The following KCNIP1 variants were observed in gnomAD, a reference collection of about 807,000 sequenced individuals.
KCNIP1 encodes the protein A-type potassium channel modulatory protein KCNIP1.
Under a neutral mutation model 33.0 loss-of-function variants are expected in KCNIP1, and 18 were observed. That is an observed-to-expected ratio of 0.55 (90% confidence interval 0.38 to 0.81). KCNIP1 has a LOEUF of 0.81. KCNIP1 is among the 30% of genes least tolerant of loss of function. The pLI is 0.00. For synonymous variants in KCNIP1, 93 were observed against 98.3 expected (o/e 0.95, Z 0.32); for missense variants, 238 against 271.6 (o/e 0.88, Z 0.87).
intron 1 of KCNIP1, among the ~76,000 whole-genome samples, chr5:170,361,665 T>A (rs1390092908): frequency 6.6e-6 from 1 of 152,210 alleles, no homozygotes; most frequent in Admixed American, 6.5e-5. Flanking sequence ...CTCACAGTTC[T>A]GGAAGCTGGA....
At chr5:170,496,984 C>A (rs142693303) in intron 1 of KCNIP1, among the ~76,000 whole-genome samples, 1 of 152,004 alleles carries the variant, frequency 6.6e-6, no homozygotes. Flanking sequence ...GTGCCTTTGA[C>A]CCTCAGCAGC....
Position 170,378,943 on chromosome 5 carries a change from A to C in KCNIP1, c.88+24979A>C, listed in dbSNP as rs140971787. ...TCCACGTCGGCCCGGGCCGTCTGGTAATTGTCCACGCTGCCTGGGATGTAG... is the reference window on the plus strand; with the variant it reads ...TCCACGTCGGCCCGGGCCGTCTGGTCATTGTCCACGCTGCCTGGGATGTAG... On this transcript the variant is annotated intron_variant, in intron 1 of 7. Transcript: ENST00000377360. The C allele has an allele frequency of 8.9e-5, 143 of 1,614,104 alleles. 1 individual carries two copies. Among genetic ancestry groups the C allele is most frequent in the Non-Finnish European group, 1.2e-4 (136 of 1,179,956 alleles).
intron 1 of KCNIP1, among the ~76,000 whole-genome samples, chr5:170,412,052 C>G (rs1390777764): frequency 2.0e-5 from 3 of 152,158 alleles, no homozygotes; most frequent in Non-Finnish European, 4.4e-5. Flanking sequence ...AGTGACGGTG[C>G]ATGCTGGCTG....
At chr5:170,507,150 C>T (rs1754752918) in intron 1 of KCNIP1, among the ~76,000 whole-genome samples, 1 of 152,184 alleles carries the variant, frequency 6.6e-6, no homozygotes, top group South Asian at 2.1e-4. Flanking sequence ...ATCTCAGAGA[C>T]GTGAGGCTCA....
chr5:170,378,462 A>T, intron 1 of KCNIP1: 1 of 529,068 alleles, frequency 1.9e-6, no homozygotes, highest in African/African-American at 1.9e-5. Flanking sequence ...GGTAATAGAG[A>T]GCTAGAACTG....
intron 1 of KCNIP1, among the ~76,000 whole-genome samples, chr5:170,374,067 C>T (rs1763921596): frequency 6.6e-6 from 1 of 152,348 alleles, no homozygotes; most frequent in Middle Eastern, 3.4e-3. Context: ...GATATTCTCA[C>T]ATAACAGCCT....
At position 170,504,066 on chromosome 5, in the gene KCNIP1, C is replaced by T; in HGVS notation, c.-507C>T. ...CAGCAGGCAGCAGGCAGCAGGCGGGCGCGCTGTGGCTCCGCGCCGCGCGGT... is the reference window on the plus strand; with the variant it reads ...CAGCAGGCAGCAGGCAGCAGGCGGGTGCGCTGTGGCTCCGCGCCGCGCGGT... On this transcript the variant is annotated 5_prime_UTR_variant, in exon 1 of 8. Coordinates refer to ENST00000328939, the MANE Select transcript of KCNIP1 (RefSeq NM_014592.4). The surrounding 1 kb of genome is among the most constrained non-coding windows in gnomAD (Gnocchi z 6.0). 1.0e-6 allele frequency: 1 copy of T among 984,602 alleles called. No individual in the cohort carries two copies. Among genetic ancestry groups the T allele is most frequent in the Non-Finnish European group, 1.2e-6 (1 of 829,964 alleles). 61.0% of individuals were successfully genotyped at this position (984,602 alleles called of 1,614,324 possible).
chr5:170,717,426 T>C (rs1021662642), intron 1 of KCNIP1, among the ~76,000 whole-genome samples: 1 of 152,216 alleles, frequency 6.6e-6, no homozygotes, highest in Non-Finnish European at 1.5e-5. Context: ...CAGTATCTAA[T>C]TTATAACAAA....
chr5:170,712,784 A>G, intron 1 of KCNIP1: 1 of 1,486,242 alleles, frequency 6.7e-7, no homozygotes, highest in Non-Finnish European at 9.4e-7. Flanking sequence ...GCCTCTCTCC[A>G]TTGACAATAA....
At chr5:170,529,093 G>C (rs1755691484) in intron 1 of KCNIP1, among the ~76,000 whole-genome samples, 1 of 152,176 alleles carries the variant, frequency 6.6e-6, no homozygotes, top group Admixed American at 6.5e-5. Flanking sequence ...GGGGTTTATT[G>C]GTTCATGTAA....
intron 1 of KCNIP1, among the ~76,000 whole-genome samples, chr5:170,402,509 G>A (rs1356312293): frequency 2.0e-5 from 3 of 152,146 alleles, no homozygotes; most frequent in Non-Finnish European, 2.9e-5. Flanking sequence ...TTCCATCTGT[G>A]GCTGCACCAT....
intron 1 of KCNIP1, among the ~76,000 whole-genome samples, chr5:170,365,978 G>A (rs1222079867): frequency 1.3e-5 from 2 of 152,182 alleles, no homozygotes; most frequent in Non-Finnish European, 2.9e-5. Context: ...TGCATCCTAG[G>A]CAAACCAGGG....
intron 1 of KCNIP1, among the ~76,000 whole-genome samples, chr5:170,363,928 C>CTGTT (rs1415020613): frequency 6.6e-6 from 1 of 151,958 alleles, no homozygotes; most frequent in Non-Finnish European, 1.5e-5. Flanking sequence ...ATTAACTTGA[C>CTGTT]TGTTCTAGGT....
intron 1 of KCNIP1, among the ~76,000 whole-genome samples, chr5:170,534,789 TG>T (rs1240977316): frequency 6.6e-6 from 1 of 151,880 alleles, no homozygotes; most frequent in Admixed American, 6.6e-5. Flanking sequence ...CTCAAAGTGC[TG>T]GGATTACCAG....
intron 1 of KCNIP1, among the ~76,000 whole-genome samples, chr5:170,384,700 T>C (rs962233165): frequency 6.6e-6 from 1 of 152,208 alleles, no homozygotes; most frequent in Non-Finnish European, 1.5e-5. Flanking sequence ...TTGTTCCAAA[T>C]AGAACACGAA....
chr5:170,551,690 G>A (rs1243583702), intron 1 of KCNIP1, among the ~76,000 whole-genome samples: 2 of 151,852 alleles, frequency 1.3e-5, no homozygotes, highest in Non-Finnish European at 1.5e-5. Context: ...GTGGATGAGA[G>A]TGTGTATGTG....
chr5:170,567,312 A>G (rs1757238082), intron 1 of KCNIP1, among the ~76,000 whole-genome samples: 1 of 152,220 alleles, frequency 6.6e-6, no homozygotes, highest in Admixed American at 6.5e-5. Context: ...CCAAAATGCC[A>G]TAGTGTCGCT....
At chr5:170,732,970 T>TG in intron 6 of KCNIP1, 66 bp downstream of exon 6, 1 of 939,600 alleles carries the variant, frequency 1.1e-6, no homozygotes, top group Non-Finnish European at 1.7e-6. Flanking sequence ...CACGAGCATC[T>TG]GAGCAAATGA....
intron 1 of KCNIP1, among the ~76,000 whole-genome samples, chr5:170,557,256 T>C (rs1756874404): frequency 6.6e-6 from 1 of 152,174 alleles, no homozygotes; most frequent in Non-Finnish European, 1.5e-5. Context: ...ACTTGGCACA[T>C]GGTGAGTGCT....
Sources: gnomAD v4.1 joint callset for allele counts (sites outside exome capture counted in the v4.1 genomes callset) on GRCh38, gnomAD v4.1.1 for gene constraint, Gnocchi (gnomAD v3.1) non-coding constraint, MANE v1.5 for transcripts, NCBI Gene and HGNC (gene_info 2026-07-23, HGNC 2026-07-21) for gene names.